Variants in CTXND2 observed in about 807,000 individuals in gnomAD.
The protein encoded by CTXND2 is cortexin domain containing 2.
At chr1:150,903,116 CAG>C (rs1335886380) in intron 1 of CTXND2, among the ~76,000 whole-genome samples, 1 of 152,154 alleles carries the variant, frequency 6.6e-6, no homozygotes, top group Non-Finnish European at 1.5e-5. Flanking sequence ...GTAATTGAAA[CAG>C]AAATAGTCTC....
At chr1:150,898,902 C>A (rs1440659400) in intron 1 of CTXND2, among the ~76,000 whole-genome samples, 1 of 141,038 alleles carries the variant, frequency 7.1e-6, no homozygotes, top group African/African-American at 2.6e-5. Context: ...ACAGTGAAAC[C>A]CTGTCTCTAC....
intron 1 of CTXND2, among the ~76,000 whole-genome samples, chr1:150,909,401 A>AC (rs1483922554): frequency 5.3e-5 from 8 of 151,842 alleles, no homozygotes; most frequent in Non-Finnish European, 1.0e-4. Context: ...AAACAAACAA[A>AC]AAACAATTAG....
chr1:150,892,516 A>C (rs4970980), intron 1 of CTXND2, among the ~76,000 whole-genome samples: 63,929 of 141,526 alleles, frequency 0.45, 14,509 homozygotes, highest in South Asian at 0.56. Context: ...AGAATGTCTT[A>C]TTCTTCTTCT....
intron 1 of CTXND2, among the ~76,000 whole-genome samples, chr1:150,903,682 C>A (rs587623218): frequency 6.6e-6 from 1 of 151,708 alleles, no homozygotes; most frequent in Non-Finnish European, 1.5e-5. Context: ...CCTGTAATCC[C>A]AGCTGCTCGG....
chr1:150,887,357 G>A (rs1478185171), intron 1 of CTXND2, 44 bp downstream of exon 1: 1 of 152,110 alleles, frequency 6.6e-6, no homozygotes, highest in Non-Finnish European at 1.5e-5. Flanking sequence ...GTTTTCACTG[G>A]GAGAAATTCC....
At chr1:150,892,827 C>T (rs1031407071) in intron 1 of CTXND2, among the ~76,000 whole-genome samples, 1 of 152,118 alleles carries the variant, frequency 6.6e-6, no homozygotes, top group Non-Finnish European at 1.5e-5. Context: ...GCATGAGCCA[C>T]CATGCCTGGC....
At chr1:150,906,423 C>T (rs1044163697) in intron 1 of CTXND2, among the ~76,000 whole-genome samples, 2 of 152,094 alleles carry the variant, frequency 1.3e-5, no homozygotes, top group Non-Finnish European at 2.9e-5. Flanking sequence ...TCCCCTTCCT[C>T]CCAAAGCCAA....
intron 1 of CTXND2, among the ~76,000 whole-genome samples, chr1:150,900,598 A>G (rs767119641): frequency 3.9e-5 from 6 of 152,132 alleles, no homozygotes; most frequent in Non-Finnish European, 7.3e-5. Context: ...CAGTCAGCTG[A>G]GATTGCTCCA....
At chr1:150,909,525 C>G (rs1669212269) in intron 1 of CTXND2, among the ~76,000 whole-genome samples, 1 of 152,092 alleles carries the variant, frequency 6.6e-6, no homozygotes. Flanking sequence ...CCATAGCACT[C>G]CAGCCTGGGT....
chr1:150,897,226 T>G (rs1668924328), intron 1 of CTXND2, among the ~76,000 whole-genome samples: 1 of 152,106 alleles, frequency 6.6e-6, no homozygotes, highest in African/African-American at 2.4e-5. Flanking sequence ...GGAATAAGAG[T>G]GTTTTCAGGA....
chr1:150,902,759 T>A (rs912445143), intron 1 of CTXND2, among the ~76,000 whole-genome samples: 2 of 151,980 alleles, frequency 1.3e-5, no homozygotes, highest in African/African-American at 4.8e-5. Context: ...TAAAGTGGAA[T>A]ATAAACAAGA....
intron 1 of CTXND2, among the ~76,000 whole-genome samples, chr1:150,892,966 A>G (rs1378584253): frequency 3.3e-5 from 5 of 152,232 alleles, no homozygotes; most frequent in Non-Finnish European, 5.9e-5. Flanking sequence ...CAATCTGGGA[A>G]GAACTAACTA....
At chr1:150,898,937 T>A (rs1290157456) in intron 1 of CTXND2, among the ~76,000 whole-genome samples, 4 of 125,232 alleles carry the variant, frequency 3.2e-5, no homozygotes, top group South Asian at 2.7e-4. Context: ...AAAAAATATA[T>A]ATATATATAT....
At chr1:150,893,490 A>G (rs1465684792) in intron 1 of CTXND2, among the ~76,000 whole-genome samples, 1 of 151,918 alleles carries the variant, frequency 6.6e-6, no homozygotes, top group Non-Finnish European at 1.5e-5. Context: ...ACAGGCTGTC[A>G]CTCTGTCACC....
At chr1:150,891,666 T>G (rs1668852212) in intron 1 of CTXND2, among the ~76,000 whole-genome samples, 1 of 152,244 alleles carries the variant, frequency 6.6e-6, no homozygotes, top group East Asian at 1.9e-4. Flanking sequence ...ATCCTATCTA[T>G]TCAGTAAAAT....
At chr1:150,905,249 T>C (rs1158330638) in intron 1 of CTXND2, among the ~76,000 whole-genome samples, 1 of 151,750 alleles carries the variant, frequency 6.6e-6, no homozygotes, top group Non-Finnish European at 1.5e-5. Context: ...ATTCAAGTCA[T>C]TCTCCTGCAT....
chr1:150,905,143 C>CTT (rs587675090), intron 1 of CTXND2, among the ~76,000 whole-genome samples: 1 of 114,716 alleles, frequency 8.7e-6, no homozygotes, highest in East Asian at 2.5e-4. Flanking sequence ...TCTGCCAATT[C>CTT]TTTTTTTTTT....
chr1:150,906,450 A>C (rs1669147491), intron 1 of CTXND2, among the ~76,000 whole-genome samples: 1 of 152,170 alleles, frequency 6.6e-6, no homozygotes, highest in African/African-American at 2.4e-5. Context: ...GGGCATGCCA[A>C]GAGAGACATT....
chr1:150,911,815 A>AT (rs1669261409), intron 1 of CTXND2, among the ~76,000 whole-genome samples: 1 of 152,218 alleles, frequency 6.6e-6, no homozygotes, highest in African/African-American at 2.4e-5. Context: ...GCACAATTAA[A>AT]TGTAGTGATC....
Sources: allele counts gnomAD v4.1 joint callset (sites outside exome capture counted in the v4.1 genomes callset), GRCh38; gene constraint gnomAD v4.1.1; transcripts MANE v1.5; gene names NCBI Gene and HGNC (gene_info 2026-07-23, HGNC 2026-07-21).